Variants in PTPRD observed in about 807,000 individuals in gnomAD.
PTPRD encodes the protein protein tyrosine phosphatase receptor type D, also known as receptor-type tyrosine-protein phosphatase delta.
Under a neutral mutation model 214.5 loss-of-function variants are expected in PTPRD, and 34 were observed. The ratio of observed to expected loss-of-function variants is 0.16; its 90% CI spans 0.12 to 0.21. The LOEUF is 0.21. PTPRD is among the 10% of genes least tolerant of loss of function. The probability of loss-of-function intolerance (pLI) is 1.00; values close to 1 mark genes in which losing one functional copy is unlikely to be tolerated. For missense variants in PTPRD, 2,545 were observed against 2,398.7 expected (o/e 1.06, Z -1.27); for synonymous variants, 1,128 against 845.7 (o/e 1.33, Z -5.79).
chr9:8,489,057 C>G (rs2136122771), intron 27 of PTPRD, among the ~76,000 whole-genome samples: 1 of 152,234 alleles, frequency 6.6e-6, no homozygotes. Flanking sequence ...ATCTAAACCA[C>G]AAATAGAGAC....
chr9:8,853,804 G>A (rs967842831), intron 11 of PTPRD, among the ~76,000 whole-genome samples: 1 of 152,126 alleles, frequency 6.6e-6, no homozygotes, highest in African/African-American at 2.4e-5. Context: ...TTTTGCTTGA[G>A]GCAGTAAGCT....
intron 8 of PTPRD, among the ~76,000 whole-genome samples, chr9:9,499,072 T>C (rs893506575): frequency 1.3e-5 from 2 of 151,980 alleles, no homozygotes; most frequent in East Asian, 1.9e-4. Context: ...ATTTGGAAAA[T>C]AGCACTAAAT....
intron 4 of PTPRD, among the ~76,000 whole-genome samples, chr9:9,955,069 T>G (rs1368562064): frequency 3.9e-5 from 6 of 152,096 alleles, no homozygotes; most frequent in Non-Finnish European, 8.8e-5. Flanking sequence ...TTTAGTGAAG[T>G]AAAGAATGAA....
intron 11 of PTPRD, among the ~76,000 whole-genome samples, chr9:8,997,395 C>A (rs976777891): frequency 6.6e-6 from 1 of 152,058 alleles, no homozygotes; most frequent in Non-Finnish European, 1.5e-5. Context: ...ATATTTCAAA[C>A]TCTTTCATTA....
chr9:9,989,803 T>C (rs1040254995), intron 4 of PTPRD, among the ~76,000 whole-genome samples: 2 of 152,178 alleles, frequency 1.3e-5, no homozygotes, highest in Admixed American at 6.5e-5. Context: ...GGCACTGCCA[T>C]GGGCCCCTAC....
intron 9 of PTPRD, among the ~76,000 whole-genome samples, chr9:9,385,390 T>G (rs2063567540): frequency 6.6e-6 from 1 of 152,074 alleles, no homozygotes; most frequent in Admixed American, 6.6e-5. Context: ...GTGAGATAAA[T>G]GAGAGGAAAG....
At chr9:8,860,389 TCTGACA>T (rs961838663) in intron 11 of PTPRD, 1 of 152,224 alleles carries the variant, frequency 6.6e-6, no homozygotes, top group African/African-American at 2.4e-5. Context: ...GCCCAACTTT[TCTGACA>T]CTGTGAAGTC....
chr9:8,502,375 T>C (rs2097428767), intron 23 of PTPRD, among the ~76,000 whole-genome samples: 1 of 152,132 alleles, frequency 6.6e-6, no homozygotes, highest in Admixed American at 6.5e-5. Context: ...CCCTAGACTT[T>C]GTGACTCTTA....
At chr9:8,681,705 C>T (rs573808970) in intron 12 of PTPRD, among the ~76,000 whole-genome samples, 85 of 152,296 alleles carry the variant, frequency 5.6e-4, no homozygotes, top group African/African-American at 1.9e-3. Flanking sequence ...TAGAGATACC[C>T]CACTGCAAAC....
In PTPRD at chr9:10,433,608, T is replaced by C. The variant is rs181422516; in HGVS notation, c.-599-92591A>G. 6.6e-5 allele frequency among the ~76,000 whole-genome samples: 10 copies of C among 152,094 alleles called. No individual in the cohort carries two copies. In the Admixed American group the frequency reaches 6.6e-4, roughly 10 times the overall value. On this transcript the variant is annotated intron_variant, in intron 2 of 45. Transcript: ENST00000381196. The stretch of plus-strand genomic sequence containing the variant: ...TGATGAATGTTACCACATGGAAAAC[T>C]TGTCACCTAATTTGGAGGGTGTGTT...
chr9:10,421,153 G>C (rs887950933), intron 2 of PTPRD, among the ~76,000 whole-genome samples: 2 of 151,544 alleles, frequency 1.3e-5, no homozygotes, highest in African/African-American at 4.8e-5. Flanking sequence ...AGCCATCCAC[G>C]GGATGCAGGT....
chr9:8,618,242 T>C (rs754267130), intron 14 of PTPRD, among the ~76,000 whole-genome samples: 66 of 152,224 alleles, frequency 4.3e-4, no homozygotes, highest in Non-Finnish European at 7.4e-4. Context: ...GAAAAAGGAA[T>C]ATTTTCCTAT....
intron 5 of PTPRD, among the ~76,000 whole-genome samples, chr9:9,930,236 A>G (rs574417027): frequency 2.6e-5 from 4 of 152,290 alleles, no homozygotes; most frequent in East Asian, 3.9e-4. Flanking sequence ...CTAGTACACA[A>G]TTAGAGTGTG....
chr9:8,916,477 C>T (rs1475181044), intron 11 of PTPRD, among the ~76,000 whole-genome samples: 1 of 151,930 alleles, frequency 6.6e-6, no homozygotes, highest in African/African-American at 2.4e-5. Flanking sequence ...GGGGTGTTCC[C>T]TAGAATATGG....
chr9:8,420,990 T>C (rs920866279), intron 35 of PTPRD, among the ~76,000 whole-genome samples: 22 of 151,794 alleles, frequency 1.4e-4, no homozygotes, highest in Admixed American at 6.6e-5. Context: ...CCAAGGGAGG[T>C]CCACCAAGGA....
intron 14 of PTPRD, among the ~76,000 whole-genome samples, chr9:8,604,654 T>G (rs929214475): frequency 7.9e-5 from 12 of 152,092 alleles, no homozygotes; most frequent in African/African-American, 2.9e-4. Context: ...CTAAATCAGA[T>G]AAATATAGCA....
intron 5 of PTPRD, among the ~76,000 whole-genome samples, chr9:9,922,667 A>T (rs1274912107): frequency 6.6e-6 from 1 of 152,154 alleles, no homozygotes; most frequent in African/African-American, 2.4e-5. Context: ...TGCTATAAAA[A>T]ATAACAAAAA....
At chr9:10,452,071 CTAG>C (rs1433456110) in intron 2 of PTPRD, among the ~76,000 whole-genome samples, 5 of 151,904 alleles carry the variant, frequency 3.3e-5, no homozygotes, top group Admixed American at 3.3e-4. Flanking sequence ...ATCAGTGAGA[CTAG>C]TAGAAGAAGC....
intron 12 of PTPRD, among the ~76,000 whole-genome samples, chr9:8,690,184 G>A (rs563584760): frequency 2.0e-5 from 3 of 151,586 alleles, no homozygotes; most frequent in African/African-American, 7.3e-5. Flanking sequence ...AAGTCACAAA[G>A]GTAGGATATT....
Sources: allele counts gnomAD v4.1 joint callset (sites outside exome capture counted in the v4.1 genomes callset), GRCh38; gene constraint gnomAD v4.1.1; transcripts MANE v1.5; gene names NCBI Gene and HGNC (gene_info 2026-07-23, HGNC 2026-07-21).